NCOA2: variants seen among roughly 807,000 people sequenced by gnomAD.
NCOA2 encodes the protein class E basic helix-loop-helix protein 75.
In NCOA2, 21 loss-of-function variants were observed where a neutral mutation model predicts 145.1. The ratio of observed to expected loss-of-function variants is 0.14; its 90% confidence interval spans 0.10 to 0.21. The LOEUF is 0.21. Ranked by LOEUF, NCOA2 falls within the 10% of genes least tolerant of loss-of-function variation. The probability of loss-of-function intolerance (pLI) is 1.00; values close to 1 mark genes in which losing one functional copy is unlikely to be tolerated. For missense variants in NCOA2, 1,472 were observed against 1,837.6 expected (o/e 0.80, Z 3.64); for synonymous variants, 619 against 637.5 (o/e 0.97, Z 0.44).
At chr8:70,398,548 CTA>C (rs1813910423) in intron 1 of NCOA2, among the ~76,000 whole-genome samples, 1 of 152,192 alleles carries the variant, frequency 6.6e-6, no homozygotes, top group Non-Finnish European at 1.5e-5. Context: ...AACTGGCTGC[CTA>C]CAAAGCATAA....
chr8:70,179,933 T>C (rs1052435918), intron 4 of NCOA2, among the ~76,000 whole-genome samples: 14 of 152,166 alleles, frequency 9.2e-5, no homozygotes, highest in African/African-American at 3.4e-4. Context: ...TTATTCTTTT[T>C]ATTTTATTAA....
At chr8:70,385,145 T>C (rs1012212120) in intron 1 of NCOA2, among the ~76,000 whole-genome samples, 1 of 152,202 alleles carries the variant, frequency 6.6e-6, no homozygotes, top group African/African-American at 2.4e-5. Flanking sequence ...CAAGACTAAC[T>C]TTTTTCATAG....
chr8:70,272,959 T>C (rs1467939176), intron 2 of NCOA2, among the ~76,000 whole-genome samples: 1 of 152,248 alleles, frequency 6.6e-6, no homozygotes, highest in Non-Finnish European at 1.5e-5. Flanking sequence ...ATACATTAAT[T>C]ACAAGCCAAA....
At position 70,138,456 on chromosome 8, in the gene NCOA2, C is replaced by T. The variant is rs1016334384; in HGVS notation, c.3029-124G>A. The stretch of plus-strand genomic sequence containing the variant: ...AAAACACAGAAGCAGTAATAATTAA[C>T]TAGGTGAATATAAGAAGATAAAATT... On this transcript the variant is annotated intron_variant, in intron 14 of 22. Coordinates refer to ENST00000452400, the MANE Select transcript of NCOA2 (RefSeq NM_006540.4). The T allele has an allele frequency of 6.6e-6, 6 of 912,460 alleles. No homozygotes were observed. The African/African-American group carries it at 8.6e-5, about 13-fold the overall frequency. The allele number at this position is 912,460 out of a possible 1,614,324, so 56.5% of individuals were successfully genotyped here. A position where few individuals can be genotyped will look rare whatever the true frequency, so the allele number is the denominator to read the frequency against.
intron 15 of NCOA2, 40 bp from the exon 16 acceptor site, chr8:70,132,042 C>A (rs1809179667): frequency 2.5e-6 from 4 of 1,582,830 alleles, no homozygotes; most frequent in Admixed American, 3.6e-5. Flanking sequence ...AATGGAAAAG[C>A]TAGTTGATTA....
At chr8:70,452,434 A>G in the NCOA2 span, among the ~76,000 whole-genome samples, 1 of 152,224 alleles carries the variant, frequency 6.6e-6, no homozygotes, top group Admixed American at 6.5e-5. Context: ...AAAAGAGAAA[A>G]TAACAAGACT....
chr8:70,113,928 G>A (rs184716160), intron 22 of NCOA2, among the ~76,000 whole-genome samples: 1 of 152,082 alleles, frequency 6.6e-6, no homozygotes, highest in Non-Finnish European at 1.5e-5. Context: ...CTTAATGACC[G>A]CTCTCCAACC....
intron 1 of NCOA2, among the ~76,000 whole-genome samples, chr8:70,399,949 G>A (rs942292229): frequency 4.6e-5 from 7 of 152,112 alleles, no homozygotes; most frequent in African/African-American, 1.7e-4. Flanking sequence ...TTAAATACAG[G>A]GCATATAATG....
the NCOA2 span, among the ~76,000 whole-genome samples, chr8:70,416,187 G>GTTTTTT: frequency 7.3e-6 from 1 of 136,754 alleles, no homozygotes; most frequent in African/African-American, 3.0e-5. Flanking sequence ...GGGGACCTCA[G>GTTTTTT]TTTTTTTGTT....
chr8:70,170,488 G>T, intron 5 of NCOA2, 109 bp from the exon 6 acceptor site: 1 of 904,146 alleles, frequency 1.1e-6, no homozygotes. Context: ...CACACAGATA[G>T]AAAAGAGATC....
intron 3 of NCOA2, 124 bp downstream of exon 3, chr8:70,216,536 A>G: frequency 1.3e-6 from 1 of 741,094 alleles, no homozygotes; most frequent in East Asian, 2.5e-5. Context: ...CAGAGATTTA[A>G]CTGTTAAGGA....
intron 2 of NCOA2, among the ~76,000 whole-genome samples, chr8:70,232,635 T>G (rs1040890272): frequency 1.3e-5 from 2 of 152,132 alleles, no homozygotes; most frequent in Non-Finnish European, 2.9e-5. Flanking sequence ...CCCATTTCTA[T>G]TCCCCTCCTC....
chr8:70,373,528 A>T (rs1811403102), intron 1 of NCOA2, among the ~76,000 whole-genome samples: 1 of 152,226 alleles, frequency 6.6e-6, no homozygotes, highest in South Asian at 2.1e-4. Context: ...TCTTTAGAAC[A>T]GCAGACAGCT....
intron 2 of NCOA2, among the ~76,000 whole-genome samples, chr8:70,294,228 A>G (rs1297341684): frequency 6.6e-6 from 1 of 152,134 alleles, no homozygotes; most frequent in Non-Finnish European, 1.5e-5. Flanking sequence ...CCAGAGATAC[A>G]AACTATCAAA....
At chr8:70,353,736 T>C (rs1304636718) in intron 1 of NCOA2, among the ~76,000 whole-genome samples, 2 of 152,016 alleles carry the variant, frequency 1.3e-5, no homozygotes, top group East Asian at 1.9e-4. Context: ...TAATCTCCCA[T>C]ATCTAAGTTC....
chr8:70,441,804 GAAAGAAAGAAAGAAGA>G, the NCOA2 span, among the ~76,000 whole-genome samples: 1 of 68,430 alleles, frequency 1.5e-5, no homozygotes, highest in Non-Finnish European at 3.9e-5. Flanking sequence ...AAGAAAGAAA[GAAAGAAAGAAAGAAGA>G]AAGAAGAAAG....
intron 1 of NCOA2, among the ~76,000 whole-genome samples, chr8:70,373,044 G>A (rs1332346407): frequency 3.3e-5 from 5 of 152,110 alleles, no homozygotes; most frequent in Non-Finnish European, 5.9e-5. Context: ...TATCCAGTTT[G>A]AGAATATTAT....
chr8:70,174,749 G>A lies in NCOA2; in HGVS notation c.363+7C>T, dbSNP rs1279991658. The stretch of plus-strand genomic sequence containing the variant: ...TAAAATACAGCACTAAAATGAAGAT[G>A]TGCTACCTCAAGCATCATAGGCCCC... On this transcript the variant is annotated splice_region_variant and intron_variant, in intron 5 of 22. Transcript: ENST00000452400. The A allele has an allele frequency of 4.3e-6, 7 of 1,609,644 alleles. No homozygotes were observed. Among genetic ancestry groups the A allele is most frequent in the Non-Finnish European group, 6.0e-6 (7 of 1,176,158 alleles).
At chr8:70,318,968 A>G (rs749610287) in intron 1 of NCOA2, among the ~76,000 whole-genome samples, 4 of 152,200 alleles carry the variant, frequency 2.6e-5, no homozygotes, top group African/African-American at 9.6e-5. Context: ...TCTCTATACC[A>G]TTGACCTCTG....
Sources: gnomAD v4.1 joint callset for allele counts (sites outside exome capture counted in the v4.1 genomes callset) on GRCh38, gnomAD v4.1.1 for gene constraint, MANE v1.5 for transcripts, NCBI Gene and HGNC (gene_info 2026-07-23, HGNC 2026-07-21) for gene names.